Variants in PTGFRN observed in about 807,000 individuals in gnomAD.
The protein encoded by PTGFRN is prostaglandin F2 receptor inhibitor.
A neutral mutation model predicts 83.2 loss-of-function variants in PTGFRN; 35 were observed. That is an observed-to-expected ratio of 0.42 (90% confidence interval 0.32 to 0.56). PTGFRN has a LOEUF of 0.56. Among genes scored for constraint, PTGFRN ranks in the 20% least tolerant of loss-of-function variants. The pLI is 0.11. For missense variants in PTGFRN, 1,051 were observed against 1,179.5 expected (o/e 0.89, Z 1.60); for synonymous variants, 519 against 498.6 (o/e 1.04, Z -0.55).
At chr1:116,968,809 A>T (rs190796537) in intron 6 of PTGFRN, among the ~76,000 whole-genome samples, 117 of 152,094 alleles carry the variant, frequency 7.7e-4, no homozygotes, top group Non-Finnish European at 1.3e-4. Flanking sequence ...TTATATGTGG[A>T]CTTTTGTGAC....
At chr1:116,981,237 C>T (rs900254909) in intron 7 of PTGFRN, among the ~76,000 whole-genome samples, 2 of 152,170 alleles carry the variant, frequency 1.3e-5, no homozygotes, top group Non-Finnish European at 2.9e-5. Flanking sequence ...GTACCCACCT[C>T]TGCCTTTTCC....
intron 3 of PTGFRN, among the ~76,000 whole-genome samples, chr1:116,947,275 C>T (rs528743075): frequency 2.3e-3 from 348 of 152,366 alleles, no homozygotes; most frequent in African/African-American, 8.1e-3. Flanking sequence ...CCAGCCCCTC[C>T]TCCCTGTCAT....
At chr1:116,910,301 T>A in intron 1 of PTGFRN, 49 bp downstream of exon 1, 3 of 1,289,900 alleles carry the variant, frequency 2.3e-6, no homozygotes, top group Non-Finnish European at 2.9e-6. Context: ...GGCGAGGCCC[T>A]GGAGGGCTCG....
chr1:116,952,777 T>A lies in PTGFRN; in HGVS notation c.1213+3205T>A, dbSNP rs1333176344. On this transcript the variant is annotated intron_variant, in intron 4 of 8. Transcript: ENST00000393203. The surrounding 1 kb of genome is among the most constrained non-coding windows in gnomAD (Gnocchi z 4.0). ...ATTGGAAAAGATAATAGACAGGGCT[T>A]TCAACTGTTCTTTTACAAAAGGCCC... Among the ~76,000 whole-genome samples the A allele has an allele frequency of 6.6e-6, 1 of 152,226 alleles. No homozygotes were observed. The highest frequency in any genetic ancestry group is 1.5e-5 in the Non-Finnish European group (1 of 68,036).
At position 116,967,225 on chromosome 1, in the gene PTGFRN, C is replaced by T. The variant is rs1487934205; in HGVS notation, c.1954C>T (p.Leu652=). ...MYQTQVSDAG[L]YRCMVTAWSP... ...CCAGACTCAGGTCTCAGACGCAGGG[C>T]TGTACCGCTGCATGGTGACAGCCTG... The change falls in exon 6 of 9, where the codon CTG becomes TTG. Residue 652 remains leucine (L), a synonymous_variant. Transcript: ENST00000393203. 25 of 1,614,074 alleles carry T rather than the reference C, an allele frequency of 1.5e-5. No individual in the cohort carries two copies. Among genetic ancestry groups the T allele is most frequent in the Non-Finnish European group, 2.0e-5 (24 of 1,180,034 alleles).
At chr1:116,982,776 C>T (rs1045242554) in intron 7 of PTGFRN, among the ~76,000 whole-genome samples, 1 of 152,192 alleles carries the variant, frequency 6.6e-6, no homozygotes, top group Non-Finnish European at 1.5e-5. Context: ...CTTCACTAGT[C>T]AGTCATTGTC....
intron 5 of PTGFRN, among the ~76,000 whole-genome samples, chr1:116,964,912 A>T (rs986906165): frequency 6.6e-6 from 1 of 152,238 alleles, no homozygotes; most frequent in South Asian, 2.1e-4. Flanking sequence ...GGCCTCCCAG[A>T]TCGTCTCCTT....
chr1:116,967,199 A>G lies in PTGFRN; in HGVS notation c.1928A>G (p.Tyr643Cys), dbSNP rs1390223302. The change falls in exon 6 of 9, where the codon TAC becomes TGC. Residue 643 changes from tyrosine to cysteine, a missense_variant. Coordinates refer to ENST00000393203, the MANE Select transcript of PTGFRN (RefSeq NM_020440.4). The stretch of plus-strand genomic sequence containing the variant: ...GAGGATGAGTTCCGCTATCGAATGT[A>G]CCAGACTCAGGTCTCAGACGCAGGG... ...VQEDEFRYRM[Y>C]QTQVSDAGLY... 1 of 1,614,212 alleles carries G rather than the reference A, an allele frequency of 6.2e-7. No individual in the cohort carries two copies. The highest frequency in any genetic ancestry group is 1.7e-5 in the Admixed American group (1 of 60,026).
rs758414648 is a variant in PTGFRN, at chr1:116,951,241, A to G, written c.1213+1669A>G. Among the ~76,000 whole-genome samples the G allele has an allele frequency of 9.8e-5, 15 of 152,356 alleles. No homozygotes were observed. The South Asian group carries it at 1.2e-3, about 13-fold the overall frequency. On this transcript the variant is annotated intron_variant, in intron 4 of 8. Transcript: ENST00000393203. ...TGTCAGACAACAGGAGCGGAGCTCT[A>G]GGAGGAATGGGCTCCTTTAACTGGA...
At chr1:116,928,134 C>T (rs778099503) in intron 1 of PTGFRN, among the ~76,000 whole-genome samples, 1 of 152,146 alleles carries the variant, frequency 6.6e-6, no homozygotes, top group African/African-American at 2.4e-5. Flanking sequence ...CACAGGCTAA[C>T]GAGGACTCAG....
chr1:116,961,191 G>A lies in PTGFRN; in HGVS notation c.1214-52G>A. On this transcript the variant is annotated intron_variant, in intron 4 of 8. Transcript: ENST00000393203. This position sits in a 1 kb window ranked among gnomAD's most constrained non-coding sequence, Gnocchi z 5.4. ...TGTCTCATTCCTTTTGTTAATTCTTGCCATGTTACTCTAATTATTTTCCTA... is the reference window on the plus strand; with the variant it reads ...TGTCTCATTCCTTTTGTTAATTCTTACCATGTTACTCTAATTATTTTCCTA... The A allele has an allele frequency of 6.8e-7, 1 of 1,471,692 alleles. No individual in the cohort carries two copies. Among genetic ancestry groups the A allele is most frequent in the South Asian group, 1.6e-5 (1 of 64,362 alleles). 91.2% of individuals were successfully genotyped at this position (1,471,692 alleles called of 1,614,324 possible).
chr1:116,946,938 AC>A (rs1204196632), intron 3 of PTGFRN, among the ~76,000 whole-genome samples: 2 of 152,234 alleles, frequency 1.3e-5, no homozygotes, highest in African/African-American at 4.8e-5. Context: ...ATCTGCAGCA[AC>A]TGTAATGTGA....
At chr1:116,953,842 C>T (rs1427203576) in intron 4 of PTGFRN, among the ~76,000 whole-genome samples, 3 of 150,186 alleles carry the variant, frequency 2.0e-5, no homozygotes, top group African/African-American at 7.3e-5. Flanking sequence ...AGAAAAACTT[C>T]ATGAATATTT....
intron 7 of PTGFRN, among the ~76,000 whole-genome samples, chr1:116,978,717 G>T (rs1225137800): frequency 6.6e-6 from 1 of 152,078 alleles, no homozygotes; most frequent in Non-Finnish European, 1.5e-5. Context: ...TTGATGGGAC[G>T]TATCTCAAAA....
In PTGFRN at chr1:116,923,973, G is replaced by A. The variant is rs866332528; in HGVS notation, c.49+13721G>A. Among the ~76,000 whole-genome samples, 2 of 152,054 alleles carry A rather than the reference G, an allele frequency of 1.3e-5. No individual in the cohort carries two copies. The highest frequency in any genetic ancestry group is 6.6e-5 in the Admixed American group (1 of 15,264). On this transcript the variant is annotated intron_variant, in intron 1 of 8. Transcript: ENST00000393203. This position sits in a 1 kb window ranked among gnomAD's most constrained non-coding sequence, Gnocchi z 4.0. ...ACACAGGAAGAGAGGTGGCATGGACGAAGTGTCATCCAAGGATTGTTAAAC... is the reference window on the plus strand; with the variant it reads ...ACACAGGAAGAGAGGTGGCATGGACAAAGTGTCATCCAAGGATTGTTAAAC...
chr1:116,964,858 C>T (rs766329193), intron 5 of PTGFRN, among the ~76,000 whole-genome samples: 6 of 152,278 alleles, frequency 3.9e-5, no homozygotes, highest in Non-Finnish European at 7.3e-5. Flanking sequence ...CTACTTTTCA[C>T]ACTCTGCCAT....
chr1:116,981,618 C>G (rs1034304145), intron 7 of PTGFRN, among the ~76,000 whole-genome samples: 1 of 152,212 alleles, frequency 6.6e-6, no homozygotes, highest in Non-Finnish European at 1.5e-5. Context: ...CTGCAGGACT[C>G]CCAGTTGAAT....
chr1:116,945,114 A>G (rs780326622), intron 3 of PTGFRN, 22 bp downstream of exon 3: 6 of 1,583,496 alleles, frequency 3.8e-6, no homozygotes, highest in Non-Finnish European at 8.6e-7. Flanking sequence ...ACGATGCGTT[A>G]TAGGTGATGT....
At position 116,987,041 on chromosome 1, in the gene PTGFRN, A is replaced by G; in HGVS notation, c.*74A>G. ...GCAAGAAGAGGACAGTGATATTTTA[A>G]AACAAAGTGTGTTACACTAAAAACC... On this transcript the variant is annotated 3_prime_UTR_variant, in exon 9 of 9. Transcript: ENST00000393203. The G allele has an allele frequency of 6.4e-7, 1 of 1,564,130 alleles. No individual in the cohort carries two copies. The highest frequency in any genetic ancestry group is 8.7e-7 in the Non-Finnish European group (1 of 1,145,852).
Sources: allele counts gnomAD v4.1 joint callset (sites outside exome capture counted in the v4.1 genomes callset), GRCh38; gene constraint gnomAD v4.1.1; non-coding constraint Gnocchi (gnomAD v3.1); transcripts MANE v1.5; gene names NCBI Gene and HGNC (gene_info 2026-07-23, HGNC 2026-07-21).